Variants in TFPI2 observed in about 807,000 individuals in gnomAD.
TFPI2 encodes the protein tissue factor pathway inhibitor 2, also known as placental protein 5.
Under a neutral mutation model 23.1 loss-of-function variants are expected in TFPI2, and 23 were observed. The ratio of observed to expected loss-of-function variants is 1.00; its 90% CI spans 0.72 to 1.41. The LOEUF (loss-of-function observed/expected upper bound fraction) is 1.41. TFPI2 is among the 40% of genes most tolerant of loss of function. The pLI is 0.00. For synonymous variants in TFPI2, 119 were observed against 111.7 expected, an observed-to-expected ratio of 1.07 and a Z score of -0.41; for missense variants, 291 against 299.6, an observed-to-expected ratio of 0.97 and a Z score of 0.21.
intron 2 of TFPI2, 55 bp from the exon 3 acceptor site, chr7:93,889,278 A>C: frequency 1.4e-6 from 2 of 1,465,788 alleles, no homozygotes; most frequent in Non-Finnish European, 1.8e-6. Context: ...TTCTTATTAA[A>C]CCATCACTGT....
In TFPI2 at chr7:93,886,601, A is replaced by G; in HGVS notation, c.*219T>C. 2.4e-6 allele frequency: 1 copy of G among 425,150 alleles called. No homozygotes were observed. The highest frequency in any genetic ancestry group is 4.1e-5 in the South Asian group (1 of 24,534). 26.3% of individuals were successfully genotyped at this position (425,150 alleles called of 1,614,324 possible). Reference sequence around the variant, plus strand: ...ATGCATTGCAAGAATTCAGTCTCACAAACAGTTGAACCATAAATTAAAAAT... The same window carrying G: ...ATGCATTGCAAGAATTCAGTCTCACGAACAGTTGAACCATAAATTAAAAAT... On this transcript the variant is annotated 3_prime_UTR_variant, in exon 5 of 5. Coordinates refer to ENST00000222543, the MANE Select transcript of TFPI2 (RefSeq NM_006528.4).
rs1794075128 is a variant in TFPI2, at chr7:93,889,153, G to A, written c.342C>T (p.Phe114=). ...DQCEGSTEKY[F]FNLSSMTCEK... ...CACATGTCATGGAACTTAGATTAAA[G>A]AAATACTTTTCTGTGGACCCCTCAC... Residue 114 remains phenylalanine (F), a synonymous_variant, in exon 3 of 5, where the codon TTC becomes TTT. Coordinates refer to ENST00000222543, the MANE Select transcript of TFPI2 (RefSeq NM_006528.4). 1.5e-5 allele frequency: 25 copies of A among 1,613,214 alleles called. No individual in the cohort carries two copies. The highest frequency in any genetic ancestry group is 2.1e-5 in the Non-Finnish European group (25 of 1,179,740).
intron 3 of TFPI2, among the ~76,000 whole-genome samples, chr7:93,888,588 A>AAGGAAGGAAG (rs1562778499): frequency 1.7e-5 from 1 of 58,622 alleles, no homozygotes; most frequent in Non-Finnish European, 3.1e-5. Flanking sequence ...AAGGAAGGAA[A>AAGGAAGGAAG]GAGAAAGAAA....
chr7:93,888,495 AAAAAGAAAGAAAGAAAG>A (rs1194512820), intron 3 of TFPI2, among the ~76,000 whole-genome samples: 5 of 150,398 alleles, frequency 3.3e-5, no homozygotes, highest in Admixed American at 6.7e-5. Context: ...CGTCGAAAGA[AAAAAGAAAGAAAGAAAG>A]AAAAGAAAGA....
At chr7:93,889,872 T>C in intron 2 of TFPI2, 1 of 351,624 alleles carries the variant, frequency 2.8e-6, no homozygotes, top group Non-Finnish European at 5.1e-6. Context: ...GCATTTATTA[T>C]ACCCCATGGT....
Position 93,890,080 on chromosome 7 carries a change from G to C in TFPI2, c.271+57C>G. 3.3e-6 allele frequency: 5 copies of C among 1,497,864 alleles called. 1 individual carries two copies. The Middle Eastern group carries it at 9.0e-4, about 271-fold the overall frequency. 92.8% of individuals were successfully genotyped at this position (1,497,864 alleles called of 1,614,324 possible). On this transcript the variant is annotated intron_variant, in intron 2 of 4. Coordinates refer to ENST00000222543, the MANE Select transcript of TFPI2 (RefSeq NM_006528.4). ...CGAGACGTGGGAAACTGGCGAAGCT[G>C]CTACCAGCCGCCGGCGCAAGGAGCG...
In TFPI2 at chr7:93,886,082, T is replaced by C. The variant is rs1421887840; in HGVS notation, c.*738A>G. ...GAAAAACTTTACTTTCCTTGGTTTTTTATAAGTTTAGTGGTCTCCAACCCA... is the reference window on the plus strand; with the variant it reads ...GAAAAACTTTACTTTCCTTGGTTTTCTATAAGTTTAGTGGTCTCCAACCCA... On this transcript the variant is annotated 3_prime_UTR_variant, in exon 5 of 5. Transcript: ENST00000222543. 6.6e-6 allele frequency: 1 copy of C among 152,048 alleles called. No homozygotes were observed. Among genetic ancestry groups the C allele is most frequent in the Non-Finnish European group, 1.5e-5 (1 of 67,908 alleles). 9.4% of individuals were successfully genotyped at this position (152,048 alleles called of 1,614,324 possible).
At chr7:93,890,079 T>G in intron 2 of TFPI2, 58 bp downstream of exon 2, 1 of 1,497,162 alleles carries the variant, frequency 6.7e-7, no homozygotes, top group Non-Finnish European at 9.0e-7. Context: ...CTGGCGAAGC[T>G]GCTACCAGCC....
In TFPI2 at chr7:93,890,274, C is replaced by A; in HGVS notation, c.134G>T (p.Cys45Phe). ...GTAGTAACGGAGAAGTAGGGCCCGG[C>A]AGGGTCCGTAGTCTAGGGGCAGGAG... ...ICLLPLDYGP[C>F]RALLLRYYYD... The change falls in exon 2 of 5, where the codon TGC becomes TTC. Residue 45 changes from cysteine to phenylalanine, a missense_variant. Coordinates refer to ENST00000222543, the MANE Select transcript of TFPI2 (RefSeq NM_006528.4). The A allele has an allele frequency of 6.2e-7, 1 of 1,613,628 alleles. No homozygotes were observed. The highest frequency in any genetic ancestry group is 8.5e-7 in the Non-Finnish European group (1 of 1,179,566).
rs766963945 is a variant in TFPI2 at position 93,889,050 on chromosome 7, A to C, written c.445T>G (p.Cys149Gly). Reference protein sequence around the residue: ...FPDEATCMGFCAPKKIPSFCY... With the variant: ...FPDEATCMGFGAPKKIPSFCY... ...TCGTATTTACTTTTCTTTGGTGCGC[A>C]GAAGCCCATACAAGTAGCTTCATCT... Residue 149 changes from cysteine (C) to glycine (G), a missense_variant, in exon 3 of 5, where the codon TGC (cysteine) becomes GGC (glycine). Physicochemically the swap from Cys to Gly is radical, Grantham distance 159. Transcript: ENST00000222543. The C allele has an allele frequency of 3.7e-6, 6 of 1,605,694 alleles. No homozygotes were observed. Among genetic ancestry groups the C allele is most frequent in the Non-Finnish European group, 5.1e-6 (6 of 1,177,840 alleles).
In TFPI2 at chr7:93,890,689, G is replaced by A. The variant is rs375583779; in HGVS notation, c.-11C>T. 3.1e-6 allele frequency: 5 copies of A among 1,604,604 alleles called. No homozygotes were observed. Among genetic ancestry groups the A allele is most frequent in the Admixed American group, 3.4e-5 (2 of 59,032 alleles). On this transcript the variant is annotated 5_prime_UTR_variant, in exon 1 of 5. Transcript: ENST00000222543. Reference sequence around the variant, plus strand: ...GCGAGCGGGGTCCATGGTGCAGGGGGTCGGGCGGCCCGCTGGGCAAGGCGT... The same window carrying A: ...GCGAGCGGGGTCCATGGTGCAGGGGATCGGGCGGCCCGCTGGGCAAGGCGT...
intron 1 of TFPI2, 59 bp from the exon 2 acceptor site, chr7:93,890,378 G>A (rs936334524): frequency 1.8e-4 from 275 of 1,544,254 alleles, no homozygotes; most frequent in Non-Finnish European, 1.8e-4. Context: ...GTAGCTCCTA[G>A]GAGGAAAGAA....
chr7:93,890,455 C>T (rs1002082418), intron 1 of TFPI2, 136 bp from the exon 2 acceptor site: 3 of 1,404,422 alleles, frequency 2.1e-6, no homozygotes, highest in African/African-American at 1.5e-5. Context: ...AACTTGGGAG[C>T]GAGTCCCCCC....
rs764466106 is a variant in TFPI2, at chr7:93,890,699, C to G, written c.-21G>C. 7 of 1,599,592 alleles carry G rather than the reference C, an allele frequency of 4.4e-6. No homozygotes were observed. In the East Asian group the frequency reaches 1.4e-4, roughly 32 times the overall value. ...TCCATGGTGCAGGGGGTCGGGCGGC[C>G]CGCTGGGCAAGGCGTCCGAGAAAGC... On this transcript the variant is annotated 5_prime_UTR_variant, in exon 1 of 5. Transcript: ENST00000222543.
intron 2 of TFPI2, 91 bp downstream of exon 2, chr7:93,890,046 T>C (rs544251632): frequency 3.6e-6 from 5 of 1,380,546 alleles, no homozygotes; most frequent in Middle Eastern, 1.9e-4. Context: ...TAAAACTTCC[T>C]GTAGAAAGCG....
intron 1 of TFPI2, 41 bp from the exon 2 acceptor site, chr7:93,890,360 G>A: frequency 6.3e-7 from 1 of 1,576,816 alleles, no homozygotes; most frequent in Non-Finnish European, 8.7e-7. Context: ...GAGGGAAAGT[G>A]GTCAGGCGTA....
rs149847293 is a variant in TFPI2, at chr7:93,890,612, C to T, written c.67G>A (p.Asp23Asn). 2.0e-4 allele frequency: 320 copies of T among 1,613,492 alleles called. No homozygotes were observed. Among genetic ancestry groups the T allele is most frequent in the Middle Eastern group, 5.0e-4 (3 of 6,056 alleles). ...LLFLTEAALGDAAQEPTGNNA... is the reference protein window; with the variant it reads ...LLFLTEAALGNAAQEPTGNNA... ...ATACCTGTTGGCTCCTGAGCAGCATCGCCCAGTGCAGCCTCCGTCAGGAAA... is the reference window on the plus strand; with the variant it reads ...ATACCTGTTGGCTCCTGAGCAGCATTGCCCAGTGCAGCCTCCGTCAGGAAA... The change falls in exon 1 of 5, where the codon GAT (aspartate) becomes AAT (asparagine). Residue 23 changes from aspartate (D) to asparagine (N), a missense_variant. Coordinates refer to ENST00000222543, the MANE Select transcript of TFPI2 (RefSeq NM_006528.4).
intron 3 of TFPI2, 43 bp from the exon 4 acceptor site, chr7:93,887,474 G>C: frequency 6.7e-7 from 1 of 1,502,638 alleles, no homozygotes; most frequent in Non-Finnish European, 9.1e-7. Flanking sequence ...TATAATACCA[G>C]AATTTTTAAA....
chr7:93,888,585 G>C (rs1562778488), intron 3 of TFPI2, among the ~76,000 whole-genome samples: 4 of 91,448 alleles, frequency 4.4e-5, no homozygotes, highest in African/African-American at 3.1e-4. Context: ...AGGAAGGAAG[G>C]AAAGAGAAAG....
Sources: gnomAD v4.1 joint callset for allele counts (sites outside exome capture counted in the v4.1 genomes callset) on GRCh38, gnomAD v4.1.1 for gene constraint, MANE v1.5 for transcripts, NCBI Gene and HGNC (gene_info 2026-07-23, HGNC 2026-07-21) for gene names.